The following TBC1D5 variants were observed in gnomAD, a reference collection of about 807,000 sequenced individuals.
TBC1D5 encodes TBC1 domain family member 5.
In TBC1D5, 75 loss-of-function variants were observed where a neutral mutation model predicts 100.3. The ratio of observed to expected loss-of-function variants is 0.75; its 90% CI spans 0.62 to 0.91. TBC1D5 has a LOEUF of 0.91. Ranked by LOEUF, TBC1D5 falls within the 40% of genes least tolerant of loss-of-function variation. The pLI, the probability that TBC1D5 is intolerant of heterozygous loss-of-function variation, is 0.00. For missense variants in TBC1D5, 910 were observed against 942.4 expected, an observed-to-expected ratio of 0.97 and a Z score of 0.45; for synonymous variants, 323 against 325.6, an observed-to-expected ratio of 0.99 and a Z score of 0.09.
intron 21 of TBC1D5, among the ~76,000 whole-genome samples, chr3:17,166,488 T>C (rs1397567349): frequency 6.6e-6 from 1 of 152,148 alleles, no homozygotes; most frequent in Non-Finnish European, 1.5e-5. Flanking sequence ...TCGCACAGAA[T>C]GGGCATGGCA....
In TBC1D5 at chr3:17,479,547, TA is replaced by T. The variant is rs1485276290; in HGVS notation, c.97+28926del. Among the ~76,000 whole-genome samples, 12 of 152,180 alleles carry T rather than the reference TA, an allele frequency of 7.9e-5. No individual in the cohort carries two copies. The East Asian group carries it at 2.1e-3, about 27-fold the overall frequency. ...AAATGGAATAAACATGTTTGAACTT[TA>T]AAAATCAGAAAAGAGGTCAGTCATG... On this transcript the variant is annotated intron_variant, in intron 3 of 21. Transcript: ENST00000253692.
chr3:17,473,058 T>C (rs2095398036), intron 3 of TBC1D5, among the ~76,000 whole-genome samples: 1 of 152,214 alleles, frequency 6.6e-6, no homozygotes, highest in South Asian at 2.1e-4. Context: ...AAAAAAATTA[T>C]TTCAACTAAA....
intron 1 of TBC1D5, among the ~76,000 whole-genome samples, chr3:17,689,624 C>T (rs528047555): frequency 1.3e-5 from 2 of 151,202 alleles, no homozygotes; most frequent in Admixed American, 6.6e-5. Flanking sequence ...ATGTATACTA[C>T]AGAAAATCCA....
At chr3:17,237,950 G>T (rs961929886) in intron 17 of TBC1D5, among the ~76,000 whole-genome samples, 17 of 149,154 alleles carry the variant, frequency 1.1e-4, no homozygotes, top group African/African-American at 4.2e-4. Context: ...AAAGTTGCAA[G>T]TATACTAGGA....
intron 1 of TBC1D5, among the ~76,000 whole-genome samples, chr3:17,679,103 G>C (rs2069099080): frequency 6.6e-6 from 1 of 150,828 alleles, no homozygotes; most frequent in African/African-American, 2.5e-5. Flanking sequence ...CAATGAGTTG[G>C]GATCCACGGA....
At chr3:17,674,573 T>A (rs17273069) in intron 1 of TBC1D5, among the ~76,000 whole-genome samples, 1 of 152,162 alleles carries the variant, frequency 6.6e-6, no homozygotes, top group South Asian at 2.1e-4. Flanking sequence ...TCAACTCTGA[T>A]TGGCATAAAT....
At chr3:17,290,310 T>C (rs1458961547) in intron 15 of TBC1D5, among the ~76,000 whole-genome samples, 1 of 152,186 alleles carries the variant, frequency 6.6e-6, no homozygotes, top group African/African-American at 2.4e-5. Flanking sequence ...CATACTAACA[T>C]GAAAGGGCAT....
chr3:17,259,317 T>C (rs2078046821), intron 15 of TBC1D5, among the ~76,000 whole-genome samples: 2 of 152,204 alleles, frequency 1.3e-5, no homozygotes, highest in South Asian at 4.1e-4. Context: ...ACGGTGTCTG[T>C]TTATATGTGT....
chr3:17,300,333 T>A (rs192513284), intron 14 of TBC1D5, among the ~76,000 whole-genome samples: 73 of 152,340 alleles, frequency 4.8e-4, no homozygotes, highest in Non-Finnish European at 5.9e-4. Flanking sequence ...AAATTTGTAA[T>A]CACTGTTAAG....
At chr3:17,528,595 A>G (rs1180101708) in intron 2 of TBC1D5, among the ~76,000 whole-genome samples, 1 of 152,098 alleles carries the variant, frequency 6.6e-6, no homozygotes, top group Non-Finnish European at 1.5e-5. Context: ...ACAAAACTAC[A>G]TCATACTTTT....
intron 13 of TBC1D5, among the ~76,000 whole-genome samples, chr3:17,321,025 A>C (rs1275136833): frequency 6.6e-6 from 1 of 152,214 alleles, no homozygotes; most frequent in Non-Finnish European, 1.5e-5. Flanking sequence ...ATATGTTTGA[A>C]AAATTATTTT....
intron 21 of TBC1D5, among the ~76,000 whole-genome samples, chr3:17,166,262 T>C (rs779904130): frequency 6.6e-6 from 1 of 151,850 alleles, no homozygotes; most frequent in Non-Finnish European, 1.5e-5. Context: ...ATACTTACGC[T>C]GTAGCCCTCT....
intron 4 of TBC1D5, among the ~76,000 whole-genome samples, chr3:17,411,177 C>T (rs368562471): frequency 6.6e-6 from 1 of 151,694 alleles, no homozygotes; most frequent in East Asian, 1.9e-4. Context: ...AGATTAAGAA[C>T]TGCTGAAGGC....
intron 1 of TBC1D5, among the ~76,000 whole-genome samples, chr3:17,671,047 G>A (rs995021829): frequency 1.3e-5 from 2 of 151,948 alleles, no homozygotes; most frequent in South Asian, 2.1e-4. Flanking sequence ...GCTTCCTTAG[G>A]GCCAGAATAA....
intron 18 of TBC1D5, among the ~76,000 whole-genome samples, chr3:17,195,508 A>G (rs2070541623): frequency 6.6e-6 from 1 of 152,230 alleles, no homozygotes; most frequent in African/African-American, 2.4e-5. Flanking sequence ...GCTGGCCCAG[A>G]TAGAAGGGCC....
rs528877002 is a variant in TBC1D5, at chr3:17,324,148, T to C, written c.996-16014A>G. On this transcript the variant is annotated intron_variant, in intron 13 of 21. Coordinates refer to ENST00000253692, the Ensembl canonical transcript of TBC1D5. Reference sequence around the variant, plus strand: ...AACAATGAACCTCGTACTTATATTTTACATGACATACAAAAATTAACTCAA... The same window carrying C: ...AACAATGAACCTCGTACTTATATTTCACATGACATACAAAAATTAACTCAA... Among the ~76,000 whole-genome samples the C allele has an allele frequency of 2.6e-5, 4 of 152,304 alleles. No homozygotes were observed. The South Asian group carries it at 8.3e-4, about 32-fold the overall frequency.
chr3:17,380,273 T>C (rs534223698), intron 9 of TBC1D5, among the ~76,000 whole-genome samples: 3 of 152,192 alleles, frequency 2.0e-5, no homozygotes, highest in East Asian at 3.9e-4. Flanking sequence ...CTTGGCAGAA[T>C]GGAAATTAAG....
At chr3:17,164,126 T>C (rs935947460) in intron 21 of TBC1D5, among the ~76,000 whole-genome samples, 2 of 152,160 alleles carry the variant, frequency 1.3e-5, no homozygotes, top group Admixed American at 1.3e-4. Context: ...TTTTCAGAGC[T>C]GGAGGTAAGA....
intron 2 of TBC1D5, among the ~76,000 whole-genome samples, chr3:17,529,633 C>CATT (rs146831898): frequency 2.2e-5 from 3 of 134,658 alleles, no homozygotes; most frequent in East Asian, 2.1e-4. Flanking sequence ...ACAAAGAAGG[C>CATT]ATTATTATTA....
Sources: allele counts gnomAD v4.1 joint callset (sites outside exome capture counted in the v4.1 genomes callset), GRCh38; gene constraint gnomAD v4.1.1; transcripts MANE v1.5; gene names NCBI Gene and HGNC (gene_info 2026-07-23, HGNC 2026-07-21).